Variants in PAPPA2 observed in about 807,000 individuals in gnomAD.
PAPPA2 encodes pappalysin 2.
A neutral mutation model predicts 176.4 loss-of-function variants in PAPPA2; 86 were observed. The observed-to-expected ratio is 0.49, with a 90% CI of 0.41 to 0.58. The LOEUF (loss-of-function observed/expected upper bound fraction) is 0.58, where lower values mean the gene tolerates loss of function less well. PAPPA2 is among the 20% of genes least tolerant of loss of function. The pLI is 0.00. For synonymous variants in PAPPA2, 809 were observed against 852.2 expected (o/e 0.95, Z 0.88); for missense variants, 2,073 against 2,256.9 (o/e 0.92, Z 1.65).
intron 12 of PAPPA2, among the ~76,000 whole-genome samples, chr1:176,728,766 G>T (rs958953384): frequency 1.3e-5 from 2 of 151,878 alleles, no homozygotes; most frequent in Admixed American, 1.3e-4. Context: ...ACATCAAGGT[G>T]CTATATATAA....
chr1:176,552,270 C>A (rs1018349152), intron 1 of PAPPA2, among the ~76,000 whole-genome samples: 1 of 151,770 alleles, frequency 6.6e-6, no homozygotes, highest in African/African-American at 2.4e-5. Context: ...AGAATCTTCT[C>A]TTTTTCCTAG....
chr1:176,465,993 ATAAAT>A (rs1651602014), intron 1 of PAPPA2, among the ~76,000 whole-genome samples: 2 of 152,196 alleles, frequency 1.3e-5, no homozygotes, highest in African/African-American at 2.4e-5. Context: ...TTAGTTATCT[ATAAAT>A]TAGTTATCTA....
chr1:176,574,197 A>G (rs532816721), intron 2 of PAPPA2, among the ~76,000 whole-genome samples: 164 of 152,322 alleles, frequency 1.1e-3, no homozygotes, highest in African/African-American at 3.8e-3. Flanking sequence ...ATAGGCCTAT[A>G]TATGTTAAAA....
At position 176,699,087 on chromosome 1, in the gene PAPPA2, A is replaced by G; in HGVS notation, c.2747-13A>G. ...GCTGCTACTGATGTATCTTTCTGCT[A>G]ATCTCCCCCCAGGGCCTCCTGATGT... On this transcript the variant is annotated splice_polypyrimidine_tract_variant and intron_variant, in intron 7 of 22. Transcript: ENST00000367662. The G allele has an allele frequency of 6.3e-7, 1 of 1,598,496 alleles. No homozygotes were observed.
At chr1:176,537,840 T>TTTTACCC (rs2102561177) in intron 1 of PAPPA2, among the ~76,000 whole-genome samples, 1 of 152,068 alleles carries the variant, frequency 6.6e-6, no homozygotes, top group East Asian at 1.9e-4. Flanking sequence ...TCTTTCTGCC[T>TTTTACCC]TTTACCCTCT....
At chr1:176,466,411 AAT>A (rs1389308149) in intron 1 of PAPPA2, among the ~76,000 whole-genome samples, 7 of 152,122 alleles carry the variant, frequency 4.6e-5, no homozygotes. Flanking sequence ...TTCCAATTCT[AAT>A]TTATGAGTAG....
chr1:176,845,474 C>A lies in PAPPA2; in HGVS notation c.*3020C>A, dbSNP rs1016227974. 2.0e-5 allele frequency: 3 copies of A among 152,130 alleles called. No individual in the cohort carries two copies. Among genetic ancestry groups the A allele is most frequent in the African/African-American group, 7.2e-5 (3 of 41,426 alleles). 9.4% of individuals were successfully genotyped at this position (152,130 alleles called of 1,614,324 possible). On this transcript the variant is annotated 3_prime_UTR_variant, in exon 23 of 23. Coordinates refer to ENST00000367662, the MANE Select transcript of PAPPA2 (RefSeq NM_020318.3). ...TCACTATTGAGTGCATTAGTTAACACCCAAGGGGATGGCTTGATTGGGAAT... is the reference window on the plus strand; with the variant it reads ...TCACTATTGAGTGCATTAGTTAACAACCAAGGGGATGGCTTGATTGGGAAT...
intron 1 of PAPPA2, among the ~76,000 whole-genome samples, chr1:176,547,745 T>C (rs1164465395): frequency 6.6e-6 from 1 of 152,134 alleles, no homozygotes; most frequent in Non-Finnish European, 1.5e-5. Flanking sequence ...ATGACAGCAG[T>C]ATCCATCTCT....
At chr1:176,693,700 A>G (rs1168268629) in intron 6 of PAPPA2, among the ~76,000 whole-genome samples, 1 of 152,160 alleles carries the variant, frequency 6.6e-6, no homozygotes, top group African/African-American at 2.4e-5. Context: ...CTTAGACCTC[A>G]CAACCCTACA....
intron 3 of PAPPA2, among the ~76,000 whole-genome samples, chr1:176,650,117 G>C (rs180852856): frequency 6.6e-6 from 1 of 151,294 alleles, no homozygotes; most frequent in Non-Finnish European, 1.5e-5. Context: ...ATATTATCTC[G>C]CTCAATTGTC....
chr1:176,526,007 C>T (rs1271926465), intron 1 of PAPPA2, among the ~76,000 whole-genome samples: 1 of 152,168 alleles, frequency 6.6e-6, no homozygotes, highest in Non-Finnish European at 1.5e-5. Flanking sequence ...ATAAAAGCTG[C>T]CCAGTGACCT....
At chr1:176,587,953 C>T (rs1653423369) in intron 2 of PAPPA2, among the ~76,000 whole-genome samples, 1 of 152,054 alleles carries the variant, frequency 6.6e-6, no homozygotes. Flanking sequence ...TGAAGAATGT[C>T]AACAGTAATT....
chr1:176,533,286 G>T (rs1454740836), intron 1 of PAPPA2, among the ~76,000 whole-genome samples: 1 of 152,204 alleles, frequency 6.6e-6, no homozygotes, highest in African/African-American at 2.4e-5. Flanking sequence ...GAGTGTTGAA[G>T]AAATTATTTT....
intron 20 of PAPPA2, among the ~76,000 whole-genome samples, chr1:176,799,265 T>C (rs1665567982): frequency 1.3e-5 from 2 of 152,110 alleles, no homozygotes; most frequent in South Asian, 2.1e-4. Flanking sequence ...TTTTAAACTA[T>C]AAAAAGAAAA....
At chr1:176,501,061 G>A (rs1026602291) in intron 1 of PAPPA2, among the ~76,000 whole-genome samples, 1 of 148,202 alleles carries the variant, frequency 6.7e-6, no homozygotes, top group African/African-American at 2.5e-5. Flanking sequence ...ATATTAATAA[G>A]TATATATAAT....
intron 1 of PAPPA2, among the ~76,000 whole-genome samples, chr1:176,508,003 T>C (rs1214249265): frequency 6.6e-6 from 1 of 152,042 alleles, no homozygotes. Flanking sequence ...CTAAAAACCT[T>C]GGGGCATTTG....
intron 1 of PAPPA2, among the ~76,000 whole-genome samples, chr1:176,474,772 T>C (rs1208239675): frequency 6.6e-6 from 1 of 152,100 alleles, no homozygotes; most frequent in African/African-American, 2.4e-5. Context: ...TACCAGAAAA[T>C]ATGATTGTTT....
chr1:176,654,666 G>A (rs1245228897), intron 3 of PAPPA2, among the ~76,000 whole-genome samples: 9 of 151,552 alleles, frequency 5.9e-5, no homozygotes, highest in Non-Finnish European at 1.0e-4. Flanking sequence ...TGCTTGGGAA[G>A]TATGATTGTT....
chr1:176,686,135 A>G (rs934429350), intron 4 of PAPPA2, among the ~76,000 whole-genome samples: 4 of 152,178 alleles, frequency 2.6e-5, no homozygotes, highest in African/African-American at 9.7e-5. Flanking sequence ...GTGAGAGTGG[A>G]TGAAGGGTGC....
Sources: allele counts gnomAD v4.1 joint callset (sites outside exome capture counted in the v4.1 genomes callset), GRCh38; gene constraint gnomAD v4.1.1; transcripts MANE v1.5; gene names NCBI Gene and HGNC (gene_info 2026-07-23, HGNC 2026-07-21).